LAMP2: variants seen among roughly 807,000 people sequenced by gnomAD.
LAMP2 encodes the protein lysosome-associated membrane glycoprotein 2.
Under a neutral mutation model 25.6 loss-of-function variants are expected in LAMP2, and 4 were observed. That is an observed-to-expected ratio of 0.16 (90% CI 0.08 to 0.36). The LOEUF (loss-of-function observed/expected upper bound fraction) is 0.36. LAMP2 is among the 10% of genes least tolerant of loss of function. The pLI, the probability that LAMP2 is intolerant of heterozygous loss-of-function variation, is 1.00. For synonymous variants in LAMP2, 108 were observed against 112.7 expected (o/e 0.96, Z 0.27); for missense variants, 272 against 301.4 (o/e 0.90, Z 0.72).
At chrX:120,446,617 TA>T (rs374381929) in intron 5 of LAMP2, among the ~76,000 whole-genome samples, 190 bp from the exon 6 acceptor site, 22 of 103,015 alleles carry the variant, frequency 2.1e-4, no homozygotes, top group African/African-American at 7.4e-4. Context: ...TCAGACAACT[TA>T]AAAAAAAAAA....
chrX:120,431,020 G>T lies in LAMP2; in HGVS notation c.*303C>A. Reference sequence around the variant, plus strand: ...TAATGGCCATGTTAATAAGTTCAAGGCATACTTCAAGGTTAGGATCAAAAT... The same window carrying T: ...TAATGGCCATGTTAATAAGTTCAAGTCATACTTCAAGGTTAGGATCAAAAT... On this transcript the variant is annotated 3_prime_UTR_variant, in exon 9 of 9. Transcript: ENST00000200639. 2 of 898,300 alleles carry T rather than the reference G, an allele frequency of 2.2e-6. No homozygotes were observed. Among genetic ancestry groups the T allele is most frequent in the South Asian group, 3.2e-5 (1 of 31,720 alleles). The allele number at this position is 898,300 out of a possible 1,213,427, so 74.0% of individuals were successfully genotyped here. A position where few individuals can be genotyped will look rare whatever the true frequency, so the allele number is the denominator to read the frequency against.
At chrX:120,445,372 G>A (rs1422019366) in intron 6 of LAMP2, among the ~76,000 whole-genome samples, 1 of 112,347 alleles carries the variant, frequency 8.9e-6, no homozygotes, top group African/African-American at 3.2e-5. Context: ...ATTCTAAAGA[G>A]AAAAATGTGC....
At chrX:120,461,355 G>A (rs760334411) in intron 1 of LAMP2, among the ~76,000 whole-genome samples, 1 of 111,865 alleles carries the variant, frequency 8.9e-6, no homozygotes, top group Non-Finnish European at 1.9e-5. Flanking sequence ...GAATTATTCA[G>A]TTATTTTATA....
chrX:120,452,047 C>G (rs1445130596), intron 3 of LAMP2, among the ~76,000 whole-genome samples: 2 of 111,093 alleles, frequency 1.8e-5, no homozygotes, highest in African/African-American at 3.3e-5. Flanking sequence ...TACATCAGCC[C>G]TTGATTACTA....
chrX:120,434,110 G>A (rs1398991716), intron 8 of LAMP2, among the ~76,000 whole-genome samples: 2 of 111,884 alleles, frequency 1.8e-5, no homozygotes, highest in Non-Finnish European at 3.8e-5. Flanking sequence ...TTACCACCCA[G>A]CCCATAAACT....
rs1004293028 is a variant in LAMP2, at chrX:120,429,661, A to C, written c.*1662T>G. 85 of 751,487 alleles carry C rather than the reference A, an allele frequency of 1.1e-4. No individual in the cohort carries two copies. Among genetic ancestry groups the C allele is most frequent in the Non-Finnish European group, 1.3e-4 (85 of 638,770 alleles). The allele number at this position is 751,487 out of a possible 1,213,427, so 61.9% of individuals were successfully genotyped here. ...AGCAAAACATAGTACGGAAGCCCAA[A>C]GTGCCCAATTCTGATCTCATAATTT... is the stretch of plus-strand genomic sequence containing the variant. On this transcript the variant is annotated 3_prime_UTR_variant, in exon 9 of 9. Transcript: ENST00000200639.
chrX:120,438,937 G>T (rs904706556), intron 8 of LAMP2: 8 of 1,003,534 alleles, frequency 8.0e-6, no homozygotes, highest in Admixed American at 4.4e-5. Flanking sequence ...CACATCTTTT[G>T]CTGTAAAAAT....
rs901927831 is a variant in LAMP2 at position 120,426,508 on chromosome X, T to C, written c.*4815A>G. 9.0e-6 allele frequency among the ~76,000 whole-genome samples: 1 copy of C among 110,848 alleles called. No homozygotes were observed. The highest frequency in any genetic ancestry group is 1.9e-5 in the Non-Finnish European group (1 of 52,916). On this transcript the variant is annotated 3_prime_UTR_variant, in exon 9 of 9. Coordinates refer to ENST00000200639, the MANE Select transcript of LAMP2 (RefSeq NM_002294.3). ...CTCTGTTAATATTCTCTATTTTAAT[T>C]CTCAAAGAATTAAACACACATATTT...
intron 4 of LAMP2, 79 bp from the exon 5 acceptor site, chrX:120,448,104 A>T: frequency 1.1e-6 from 1 of 903,526 alleles, no homozygotes; most frequent in Non-Finnish European, 1.6e-6. Context: ...ACCAAAAAAA[A>T]TTCTCATAAT....
At position 120,459,823 on chromosome X, in the gene LAMP2, G is replaced by A. The variant is rs776754395; in HGVS notation, c.65-3054C>T. On this transcript the variant is annotated intron_variant, in intron 1 of 8. Transcript: ENST00000200639. ...TGACCCACTGCACAGTTGAAAATCT[G>A]CATATTATTTTTGACTCCCCCAAAA... 7.4e-4 allele frequency among the ~76,000 whole-genome samples: 83 copies of A among 111,835 alleles called. 1 individual carries two copies. Among genetic ancestry groups the A allele is most frequent in the African/African-American group, 2.5e-3 (77 of 30,765 alleles).
chrX:120,436,170 A>ACACACACACACACTCTCTCT (rs1251901451), intron 8 of LAMP2, among the ~76,000 whole-genome samples: 2 of 57,305 alleles, frequency 3.5e-5, no homozygotes, highest in African/African-American at 1.0e-4. Context: ...ACACACACAC[A>ACACACACACACACTCTCTCT]CTCTCTCTCT....
chrX:120,466,820 G>C (rs1921552650), intron 1 of LAMP2, among the ~76,000 whole-genome samples: 1 of 107,020 alleles, frequency 9.3e-6, no homozygotes, highest in Non-Finnish European at 1.9e-5. Context: ...AGAGTGAAAA[G>C]GACAAAGGAC....
chrX:120,458,631 A>C (rs60538603), intron 1 of LAMP2, among the ~76,000 whole-genome samples: 1 of 111,002 alleles, frequency 9.0e-6, no homozygotes. Context: ...CTTTTACTCA[A>C]TATCTCTCAC....
intron 8 of LAMP2, among the ~76,000 whole-genome samples, chrX:120,436,170 A>ACACACACACTCTCTCTCTCTCT: frequency 1.7e-5 from 1 of 57,304 alleles, no homozygotes; most frequent in African/African-American, 5.0e-5. Flanking sequence ...ACACACACAC[A>ACACACACACTCTCTCTCTCTCT]CTCTCTCTCT....
intron 3 of LAMP2, among the ~76,000 whole-genome samples, chrX:120,453,528 G>A (rs73219146): frequency 2.7e-5 from 3 of 112,244 alleles, no homozygotes; most frequent in Admixed American, 9.4e-5. Context: ...TTAAAATCTC[G>A]ACCACGTGCG....
Position 120,439,310 on chromosome X carries a change from G to T in LAMP2, c.1093+2420C>A, listed in dbSNP as rs775223135. The stretch of plus-strand genomic sequence containing the variant: ...ACTCTTGGGCTGTAGGTGAGAAAAA[G>T]TGTGTAATAAATAATGAGTATAATC... On this transcript the variant is annotated intron_variant, in intron 8 of 8. Transcript: ENST00000200639. 8 of 1,186,564 alleles carry T rather than the reference G, an allele frequency of 6.7e-6. No homozygotes were observed. The South Asian group carries it at 1.4e-4, about 21-fold the overall frequency.
In LAMP2 at chrX:120,429,295, G is replaced by C. The variant is rs2058513403; in HGVS notation, c.*2028C>G. The C allele has an allele frequency of 1.4e-5, 10 of 727,227 alleles. No individual in the cohort carries two copies. The highest frequency in any genetic ancestry group is 1.4e-5 in the Non-Finnish European group (9 of 629,898). The allele number at this position is 727,227 out of a possible 1,213,427, so 59.9% of individuals were successfully genotyped here. A position where few individuals can be genotyped will look rare whatever the true frequency, so the allele number is the denominator to read the frequency against. ...AAGCAACATGTGCAATGTAGATTTT[G>C]AGTTCTGGATTCAGACAGAACTGTG... is the stretch of plus-strand genomic sequence containing the variant. On this transcript the variant is annotated 3_prime_UTR_variant, in exon 9 of 9. Transcript: ENST00000200639.
At chrX:120,455,798 T>C (rs1413720905) in intron 2 of LAMP2, among the ~76,000 whole-genome samples, 2 of 108,721 alleles carry the variant, frequency 1.8e-5, no homozygotes, top group Non-Finnish European at 3.8e-5. Context: ...GAGCTGCTGT[T>C]CTTAAACTGA....
At position 120,431,466 on chromosome X, in the gene LAMP2, G is replaced by C; in HGVS notation, c.1094-4C>G. On this transcript the variant is annotated splice_region_variant and splice_polypyrimidine_tract_variant and intron_variant, in intron 8 of 8. Transcript: ENST00000200639. ...TCATCTGCACTGCAGTCTTGAGCTA[G>C]ATGTGGAGAAAGGACAATTGAGAAC... 8.3e-7 allele frequency: 1 copy of C among 1,202,962 alleles called. No individual in the cohort carries two copies. Among genetic ancestry groups the C allele is most frequent in the Non-Finnish European group, 1.1e-6 (1 of 887,335 alleles).
Sources: allele counts gnomAD v4.1 joint callset (sites outside exome capture counted in the v4.1 genomes callset), GRCh38; gene constraint gnomAD v4.1.1; transcripts MANE v1.5; gene names NCBI Gene and HGNC (gene_info 2026-07-23, HGNC 2026-07-21).